The following CAPZA2 variants were observed in gnomAD, a reference collection of about 807,000 sequenced individuals.
The protein encoded by CAPZA2 is F-actin-capping protein subunit alpha-2.
Under a neutral mutation model 44.0 loss-of-function variants are expected in CAPZA2, and 13 were observed. That is an observed-to-expected ratio of 0.30 (90% CI 0.19 to 0.47). The LOEUF (loss-of-function observed/expected upper bound fraction) is 0.47, where lower values mean the gene tolerates loss of function less well. CAPZA2 is among the 20% of genes least tolerant of loss of function. The probability of loss-of-function intolerance (pLI) is 1.00; values close to 1 mark genes in which losing one functional copy is unlikely to be tolerated. For missense variants in CAPZA2, 244 were observed against 338.6 expected, an observed-to-expected ratio of 0.72 and a Z score of 2.19; for synonymous variants, 94 against 108.2, an observed-to-expected ratio of 0.87 and a Z score of 0.81.
At chr7:116,883,632 T>C (rs747061640) in intron 1 of CAPZA2, among the ~76,000 whole-genome samples, 9 of 152,238 alleles carry the variant, frequency 5.9e-5, no homozygotes, top group Non-Finnish European at 1.2e-4. Flanking sequence ...TCACTTTGGA[T>C]GTTGTGGAAG....
rs529306104 is a variant in CAPZA2 at position 116,898,265 on chromosome 7, C to CT, written c.156-494dup. ...CACTGTTGCCTCAACAGAATGTAAT[C>CT]TTTTTTTTTTTTTAAGCATTCTTTG... On this transcript the variant is annotated intron_variant, in intron 3 of 9. Coordinates refer to ENST00000361183, the MANE Select transcript of CAPZA2 (RefSeq NM_006136.3). Among the ~76,000 whole-genome samples the CT allele has an allele frequency of 6.6e-3, 962 of 145,220 alleles. 7 individuals are homozygous for CT. The highest frequency in any genetic ancestry group is 0.017 in the African/African-American group (672 of 40,084).
At chr7:116,863,021 C>A (rs1796438225) in intron 1 of CAPZA2, among the ~76,000 whole-genome samples, 1 of 152,072 alleles carries the variant, frequency 6.6e-6, no homozygotes, top group African/African-American at 2.4e-5. Context: ...GGACCAGGGA[C>A]GCAAAGGGGT....
At chr7:116,901,323 G>T (rs1796991494) in intron 4 of CAPZA2, among the ~76,000 whole-genome samples, 1 of 152,170 alleles carries the variant, frequency 6.6e-6, no homozygotes, top group African/African-American at 2.4e-5. Flanking sequence ...ATACTATGCA[G>T]CCGTGAAAAA....
intron 2 of CAPZA2, among the ~76,000 whole-genome samples, chr7:116,888,855 A>G (rs560856502): frequency 6.6e-6 from 1 of 152,086 alleles, no homozygotes; most frequent in African/African-American, 2.4e-5. Flanking sequence ...AACAAACAAA[A>G]AAAAGTTTCA....
At chr7:116,917,003 A>C (rs979637665) in intron 9 of CAPZA2, among the ~76,000 whole-genome samples, 1 of 152,130 alleles carries the variant, frequency 6.6e-6, no homozygotes, top group Non-Finnish European at 1.5e-5. Context: ...ATCTGTTTAG[A>C]TCACATTTCA....
intron 1 of CAPZA2, among the ~76,000 whole-genome samples, chr7:116,869,402 C>T (rs994254906): frequency 2.0e-5 from 3 of 152,164 alleles, no homozygotes; most frequent in African/African-American, 4.8e-5. Flanking sequence ...CATTCTAATT[C>T]GCAGTGTTTC....
chr7:116,880,470 T>C (rs1353166835), intron 1 of CAPZA2, among the ~76,000 whole-genome samples: 1 of 151,412 alleles, frequency 6.6e-6, no homozygotes, highest in Non-Finnish European at 1.5e-5. Flanking sequence ...TGATCTCGGC[T>C]CACTGCAACC....
At chr7:116,879,091 A>G (rs543881097) in intron 1 of CAPZA2, among the ~76,000 whole-genome samples, 1 of 135,788 alleles carries the variant, frequency 7.4e-6, no homozygotes, top group East Asian at 2.3e-4. Context: ...GTGCCACTGC[A>G]CTCCAGCCTG....
At chr7:116,898,747 G>GT (rs1228811716) in intron 3 of CAPZA2, 25 bp from the exon 4 acceptor site, 5 of 1,480,102 alleles carry the variant, frequency 3.4e-6, no homozygotes, top group Non-Finnish European at 4.6e-6. Flanking sequence ...ATAATTTTAA[G>GT]TAATTGCCAT....
intron 1 of CAPZA2, among the ~76,000 whole-genome samples, chr7:116,878,355 A>C (rs778639587): frequency 6.6e-6 from 1 of 152,244 alleles, no homozygotes; most frequent in African/African-American, 2.4e-5. Flanking sequence ...CAGAGACTTC[A>C]TTCAGATCTT....
chr7:116,885,308 G>A (rs1037860447), intron 1 of CAPZA2, among the ~76,000 whole-genome samples: 3 of 150,958 alleles, frequency 2.0e-5, no homozygotes, highest in Non-Finnish European at 4.4e-5. Context: ...TCATGTCTGT[G>A]TGTGGACAAA....
intron 6 of CAPZA2, 159 bp downstream of exon 6, chr7:116,906,501 C>A: frequency 8.0e-7 from 1 of 1,243,644 alleles, no homozygotes; most frequent in Non-Finnish European, 1.1e-6. Flanking sequence ...GGTAAATTTG[C>A]TCAACAGCCT....
At chr7:116,868,576 T>C (rs566751176) in intron 1 of CAPZA2, among the ~76,000 whole-genome samples, 107 of 152,062 alleles carry the variant, frequency 7.0e-4, no homozygotes, top group African/African-American at 2.5e-3. Flanking sequence ...GTACTAAAAG[T>C]ACAAAAAATT....
rs1026999253 is a variant in CAPZA2, at chr7:116,920,307, G to A, written c.*2440G>A. 1 of 152,162 alleles carries A rather than the reference G, an allele frequency of 6.6e-6. No homozygotes were observed. The highest frequency in any genetic ancestry group is 2.4e-5 in the African/African-American group (1 of 41,428). The allele number at this position is 152,162 out of a possible 1,614,324, so 9.4% of individuals were successfully genotyped here. Reference sequence around the variant, plus strand: ...AGTGAAAGAAGAATGGAAACCCAGAGTATCCTATAGCTCAGGGATGTAATT... The same window carrying A: ...AGTGAAAGAAGAATGGAAACCCAGAATATCCTATAGCTCAGGGATGTAATT... On this transcript the variant is annotated 3_prime_UTR_variant, in exon 10 of 10. Transcript: ENST00000361183.
intron 2 of CAPZA2, 129 bp downstream of exon 2, chr7:116,888,319 A>G: frequency 1.7e-6 from 1 of 575,000 alleles, no homozygotes; most frequent in Non-Finnish European, 3.0e-6. Context: ...CAATGACAAT[A>G]TGTTAGTCTG....
At chr7:116,912,181 C>G in intron 8 of CAPZA2, 41 bp downstream of exon 8, 1 of 1,603,288 alleles carries the variant, frequency 6.2e-7, no homozygotes, top group African/African-American at 1.3e-5. Context: ...CCTAATACTT[C>G]TGTAAAACCA....
At chr7:116,916,703 C>T (rs1791684375) in intron 9 of CAPZA2, among the ~76,000 whole-genome samples, 1 of 151,918 alleles carries the variant, frequency 6.6e-6, no homozygotes, top group African/African-American at 2.4e-5. Context: ...TTGCTTGGAA[C>T]CAGAAGTGTT....
chr7:116,911,586 G>C (rs1336949798), intron 7 of CAPZA2, among the ~76,000 whole-genome samples: 2 of 152,068 alleles, frequency 1.3e-5, no homozygotes, highest in Admixed American at 1.3e-4. Flanking sequence ...ACCATGTTGT[G>C]CTGAAATACG....
At chr7:116,892,921 CA>C in intron 2 of CAPZA2, 72 bp from the exon 3 acceptor site, 1 of 1,088,146 alleles carries the variant, frequency 9.2e-7, no homozygotes. Flanking sequence ...AATACATCAC[CA>C]AAACAATCTG....
Sources: gnomAD v4.1 joint callset for allele counts (sites outside exome capture counted in the v4.1 genomes callset) on GRCh38, gnomAD v4.1.1 for gene constraint, MANE v1.5 for transcripts, NCBI Gene and HGNC (gene_info 2026-07-23, HGNC 2026-07-21) for gene names.